Variants in CMIP observed in about 807,000 individuals in gnomAD.
CMIP encodes the protein C-Maf-inducing protein.
In CMIP, 13 loss-of-function variants were observed where a neutral mutation model predicts 97.3. The observed-to-expected ratio is 0.13, with a 90% confidence interval of 0.09 to 0.21. CMIP has a LOEUF of 0.21. CMIP is among the 10% of genes least tolerant of loss of function. The probability of loss-of-function intolerance (pLI) is 1.00; values close to 1 mark genes in which losing one functional copy is unlikely to be tolerated. For synonymous variants in CMIP, 538 were observed against 436.3 expected (o/e 1.23, Z -2.91); for missense variants, 847 against 1,024.9 (o/e 0.83, Z 2.37).
chr16:81,454,058 C>G (rs1906397638), intron 1 of CMIP, among the ~76,000 whole-genome samples: 1 of 152,212 alleles, frequency 6.6e-6, no homozygotes, highest in Admixed American at 6.5e-5. Flanking sequence ...AAAGGAAATT[C>G]ACATGACCGT....
intron 1 of CMIP, among the ~76,000 whole-genome samples, chr16:81,523,262 AC>A (rs2090063962): frequency 6.6e-6 from 1 of 151,782 alleles, no homozygotes; most frequent in African/African-American, 2.4e-5. Flanking sequence ...GCCTTTTTCC[AC>A]CCTATCCGAC....
chr16:81,693,348 C>G (rs762277222), intron 12 of CMIP, 91 bp from the exon 13 acceptor site: 1 of 1,532,596 alleles, frequency 6.5e-7, no homozygotes, highest in Non-Finnish European at 8.9e-7. Context: ...CTCCCTGGCC[C>G]GTTCTTCCTT....
chr16:81,508,290 G>A (rs1306045252), intron 1 of CMIP, among the ~76,000 whole-genome samples: 1 of 152,152 alleles, frequency 6.6e-6, no homozygotes, highest in African/African-American at 2.4e-5. Context: ...CAGCATCCCT[G>A]GTTTCTGATC....
At chr16:81,535,466 CTTTT>C (rs34961950) in intron 1 of CMIP, among the ~76,000 whole-genome samples, 35 of 134,390 alleles carry the variant, frequency 2.6e-4, no homozygotes, top group Non-Finnish European at 3.6e-4. Context: ...CACTGGAATG[CTTTT>C]TTTTTTTTTT....
chr16:81,448,093 C>T (rs1905973173), intron 1 of CMIP, among the ~76,000 whole-genome samples: 1 of 152,244 alleles, frequency 6.6e-6, no homozygotes, highest in South Asian at 2.1e-4. Context: ...CTTTGCAGTC[C>T]TGTGGCTTCG....
At chr16:81,613,580 G>T (rs529236666) in intron 2 of CMIP, among the ~76,000 whole-genome samples, 1 of 152,190 alleles carries the variant, frequency 6.6e-6, no homozygotes, top group African/African-American at 2.4e-5. Context: ...TGTGAGGCTC[G>T]TAGATATTAC....
chr16:81,610,618 C>T (rs916264167), intron 2 of CMIP: 9 of 821,574 alleles, frequency 1.1e-5, no homozygotes, highest in African/African-American at 7.4e-5. Context: ...AGACCTGGAT[C>T]GGCTTCTCCC....
At chr16:81,659,322 C>T (rs1049130384) in intron 5 of CMIP, among the ~76,000 whole-genome samples, 1 of 151,868 alleles carries the variant, frequency 6.6e-6, no homozygotes, top group Admixed American at 6.6e-5. Flanking sequence ...ACAGATAATA[C>T]AAAAATAACA....
chr16:81,640,584 G>A (rs1257917865), intron 3 of CMIP, among the ~76,000 whole-genome samples: 1 of 152,152 alleles, frequency 6.6e-6, no homozygotes, highest in Non-Finnish European at 1.5e-5. Context: ...GGGGCCAGAT[G>A]TCCAAAATCA....
chr16:81,696,975 G>A (rs1022378538), intron 14 of CMIP: 9 of 445,190 alleles, frequency 2.0e-5, no homozygotes, highest in African/African-American at 1.6e-4. Context: ...AGCCTGGGCC[G>A]TTACTGCCTA....
chr16:81,626,262 C>T (rs918518965), intron 3 of CMIP, among the ~76,000 whole-genome samples: 8 of 150,376 alleles, frequency 5.3e-5, no homozygotes, highest in Admixed American at 2.7e-4. Flanking sequence ...TGTGTGAGAG[C>T]GAGAGTGACT....
intron 1 of CMIP, among the ~76,000 whole-genome samples, chr16:81,490,108 C>G (rs752839759): frequency 2.2e-4 from 33 of 152,126 alleles, no homozygotes; most frequent in Non-Finnish European, 4.0e-4. Context: ...TCCCAAGGAG[C>G]CTGACATCCC....
intron 1 of CMIP, among the ~76,000 whole-genome samples, chr16:81,499,008 C>G (rs145089925): frequency 1.3e-5 from 2 of 152,262 alleles, no homozygotes; most frequent in African/African-American, 4.8e-5. Context: ...ATTTAATCCC[C>G]CTATCAACAC....
At chr16:81,586,536 G>A (rs2091385324) in intron 1 of CMIP, among the ~76,000 whole-genome samples, 1 of 152,094 alleles carries the variant, frequency 6.6e-6, no homozygotes, top group African/African-American at 2.4e-5. Flanking sequence ...ATTCCTCAGT[G>A]ATCCGGTGTA....
intron 1 of CMIP, among the ~76,000 whole-genome samples, chr16:81,538,469 A>T (rs1597525963): frequency 1.3e-5 from 2 of 152,022 alleles, no homozygotes; most frequent in Non-Finnish European, 1.5e-5. Context: ...TTCTCAGGGG[A>T]TTTGTTTGGG....
chr16:81,603,209 A>G (rs552258186), intron 1 of CMIP, among the ~76,000 whole-genome samples: 2 of 152,222 alleles, frequency 1.3e-5, no homozygotes, highest in South Asian at 4.2e-4. Context: ...CCTCTCGAGT[A>G]GCTGGGACTA....
intron 1 of CMIP, among the ~76,000 whole-genome samples, chr16:81,467,397 G>A (rs986213819): frequency 6.6e-6 from 1 of 152,126 alleles, no homozygotes; most frequent in African/African-American, 2.4e-5. Flanking sequence ...CTCCCCCTCT[G>A]TGAGGCTCCC....
At chr16:81,498,633 A>G (rs540098059) in intron 1 of CMIP, among the ~76,000 whole-genome samples, 1 of 152,268 alleles carries the variant, frequency 6.6e-6, no homozygotes, top group East Asian at 1.9e-4. Context: ...ATGGCTGCAC[A>G]CACTTGCATA....
chr16:81,668,472 C>G (rs2092635295), intron 7 of CMIP, among the ~76,000 whole-genome samples: 1 of 152,212 alleles, frequency 6.6e-6, no homozygotes, highest in South Asian at 2.1e-4. Context: ...TGGCAGAGCT[C>G]TCTGTGCCGT....
Sources: allele counts gnomAD v4.1 joint callset (sites outside exome capture counted in the v4.1 genomes callset), GRCh38; gene constraint gnomAD v4.1.1; transcripts MANE v1.5; gene names NCBI Gene and HGNC (gene_info 2026-07-23, HGNC 2026-07-21).